Variants in MACROD2 observed in about 807,000 individuals in gnomAD.
MACROD2 encodes ADP-ribose glycohydrolase MACROD2.
In MACROD2, 36 loss-of-function variants were observed where a neutral mutation model predicts 70.4. That is an observed-to-expected ratio of 0.51 (90% CI 0.39 to 0.68). The LOEUF is 0.68. MACROD2 is among the 30% of genes least tolerant of loss of function. The pLI is 0.00. For missense variants in MACROD2, 496 were observed against 538.4 expected (o/e 0.92, Z 0.78); for synonymous variants, 172 against 178.8 (o/e 0.96, Z 0.30).
At chr20:14,440,444 A>C (rs917948320) in intron 3 of MACROD2, among the ~76,000 whole-genome samples, 2 of 152,156 alleles carry the variant, frequency 1.3e-5, no homozygotes, top group African/African-American at 4.8e-5. Flanking sequence ...AGTGTAGCCC[A>C]GGGAAGCCAA....
intron 6 of MACROD2, among the ~76,000 whole-genome samples, chr20:15,419,524 C>T (rs995479310): frequency 1.3e-5 from 2 of 152,172 alleles, no homozygotes; most frequent in Non-Finnish European, 2.9e-5. Context: ...GTTCTTGTTC[C>T]CGATTCCTGT....
At chr20:14,246,497 C>T (rs987978498) in intron 3 of MACROD2, among the ~76,000 whole-genome samples, 4 of 152,138 alleles carry the variant, frequency 2.6e-5, no homozygotes, top group African/African-American at 9.7e-5. Flanking sequence ...TGAAGCTTTT[C>T]CTAATTCCTC....
At chr20:15,310,302 T>C (rs2077738490) in intron 6 of MACROD2, among the ~76,000 whole-genome samples, 1 of 152,158 alleles carries the variant, frequency 6.6e-6, no homozygotes, top group Non-Finnish European at 1.5e-5. Context: ...GGAAGTAGAA[T>C]TGGGGCCCAA....
At chr20:15,267,770 G>C (rs2077308972) in intron 6 of MACROD2, among the ~76,000 whole-genome samples, 1 of 152,160 alleles carries the variant, frequency 6.6e-6, no homozygotes, top group Admixed American at 6.5e-5. Flanking sequence ...GGGAGGATGG[G>C]ACGGGGCCTT....
chr20:14,102,038 C>G (rs972379807), intron 3 of MACROD2, among the ~76,000 whole-genome samples: 1 of 107,722 alleles, frequency 9.3e-6, no homozygotes, highest in Non-Finnish European at 1.7e-5. Flanking sequence ...GAGTCTCACT[C>G]TGTCACTCAG....
At chr20:14,558,194 G>C (rs1224843749) in intron 4 of MACROD2, among the ~76,000 whole-genome samples, 1 of 151,850 alleles carries the variant, frequency 6.6e-6, no homozygotes, top group East Asian at 1.9e-4. Flanking sequence ...ATTACTGATT[G>C]TTGGGGGAAA....
intron 10 of MACROD2, among the ~76,000 whole-genome samples, chr20:15,923,628 T>C (rs1324258816): frequency 1.3e-5 from 2 of 152,174 alleles, no homozygotes; most frequent in African/African-American, 2.4e-5. Context: ...CTATTTGTGT[T>C]TTAACAAGCC....
chr20:14,143,287 G>A (rs1179158915), intron 3 of MACROD2, among the ~76,000 whole-genome samples: 1 of 152,102 alleles, frequency 6.6e-6, no homozygotes, highest in Non-Finnish European at 1.5e-5. Context: ...AGAAATCTTG[G>A]GAAATGCCTT....
chr20:14,669,089 A>G (rs2070767559), intron 4 of MACROD2, among the ~76,000 whole-genome samples: 1 of 152,186 alleles, frequency 6.6e-6, no homozygotes, highest in South Asian at 2.1e-4. Flanking sequence ...TCATGTGACA[A>G]TCATTCCTTA....
chr20:14,721,153 G>A (rs536918069), intron 5 of MACROD2, among the ~76,000 whole-genome samples: 1 of 151,478 alleles, frequency 6.6e-6, no homozygotes, highest in Non-Finnish European at 1.5e-5. Context: ...TACTCGGGAG[G>A]CTGAGGCAGG....
At chr20:14,288,901 G>A (rs1216215835) in intron 3 of MACROD2, among the ~76,000 whole-genome samples, 1 of 152,108 alleles carries the variant, frequency 6.6e-6, no homozygotes, top group African/African-American at 2.4e-5. Context: ...CATGCCAGCC[G>A]CCAATTCTGT....
intron 8 of MACROD2, among the ~76,000 whole-genome samples, chr20:15,573,247 G>A (rs1177185268): frequency 6.6e-6 from 1 of 151,988 alleles, no homozygotes; most frequent in Non-Finnish European, 1.5e-5. Flanking sequence ...AGCATTATAT[G>A]CCTTCACATG....
chr20:15,908,875 AG>A (rs1403801840), intron 10 of MACROD2, among the ~76,000 whole-genome samples: 2 of 152,254 alleles, frequency 1.3e-5, no homozygotes, highest in African/African-American at 4.8e-5. Flanking sequence ...TCACCCTGAC[AG>A]GCTCTTGAAT....
At chr20:14,011,459 T>TCC (rs147067387) in intron 2 of MACROD2, among the ~76,000 whole-genome samples, 18 of 151,872 alleles carry the variant, frequency 1.2e-4, no homozygotes, top group Admixed American at 2.6e-4. Flanking sequence ...TTGTGGCATT[T>TCC]CCCCCCCTTC....
chr20:15,911,250 G>T (rs1274949234), intron 10 of MACROD2, among the ~76,000 whole-genome samples: 1 of 152,172 alleles, frequency 6.6e-6, no homozygotes, highest in African/African-American at 2.4e-5. Flanking sequence ...CCAAGTAGGA[G>T]CTGAGTGGTT....
At chr20:14,435,848 T>C (rs1053558791) in intron 3 of MACROD2, among the ~76,000 whole-genome samples, 1 of 151,880 alleles carries the variant, frequency 6.6e-6, no homozygotes, top group Non-Finnish European at 1.5e-5. Context: ...CTGGGTCTAC[T>C]GGTGCCCGCC....
chr20:14,653,409 G>A (rs182556245), intron 4 of MACROD2, among the ~76,000 whole-genome samples: 1 of 151,862 alleles, frequency 6.6e-6, no homozygotes, highest in East Asian at 1.9e-4. Context: ...TAGTAGAGAC[G>A]GAGTTTCACC....
chr20:15,958,741 G>T (rs2066015118), intron 12 of MACROD2, among the ~76,000 whole-genome samples: 2 of 152,182 alleles, frequency 1.3e-5, no homozygotes, highest in Non-Finnish European at 2.9e-5. Flanking sequence ...GGTATTTGGG[G>T]ATAGGACCTT....
At chr20:14,622,035 G>A (rs1273570519) in intron 4 of MACROD2, 2 of 151,576 alleles carry the variant, frequency 1.3e-5, no homozygotes, top group Admixed American at 1.3e-4. Flanking sequence ...GCTCAAAGAA[G>A]GTAAAATCTT....
Sources: gnomAD v4.1 joint callset for allele counts (sites outside exome capture counted in the v4.1 genomes callset) on GRCh38, gnomAD v4.1.1 for gene constraint, MANE v1.5 for transcripts, NCBI Gene and HGNC (gene_info 2026-07-23, HGNC 2026-07-21) for gene names.